The following MARVELD2 variants were observed in gnomAD, a reference collection of about 807,000 sequenced individuals.
The protein encoded by MARVELD2 is MARVEL domain-containing protein 2.
In MARVELD2, 49 loss-of-function variants were observed where a neutral mutation model predicts 57.6. The observed-to-expected ratio is 0.85, with a 90% CI of 0.68 to 1.08. The LOEUF (loss-of-function observed/expected upper bound fraction) is 1.08, where lower values mean the gene tolerates loss of function less well. Ranked by LOEUF, MARVELD2 falls within the 50% of genes least tolerant of loss-of-function variation. The pLI is 0.00. For synonymous variants in MARVELD2, 238 were observed against 258.8 expected, an observed-to-expected ratio of 0.92 and a Z score of 0.77; for missense variants, 606 against 701.1, an observed-to-expected ratio of 0.86 and a Z score of 1.53.
chr5:69,434,582 A>T (rs1356869781), intron 5 of MARVELD2, among the ~76,000 whole-genome samples: 1 of 152,176 alleles, frequency 6.6e-6, no homozygotes. Flanking sequence ...TATGGTAGTT[A>T]CAGAGGCTTA....
rs770051043 is a variant in MARVELD2, at chr5:69,440,482, G to C, written c.1536G>C (p.Glu512Asp). The part of the protein sequence containing the change: ...EHERISRIHE[E>D]FKKKKNDPTF... ...AGAGAATTTCAAGAATCCATGAAGA[G>C]TTTAAGAAAAAAAAGAATGTGAGTA... Residue 512 changes from glutamate to aspartate, a missense_variant, in exon 6 of 7, where the codon GAG becomes GAC. Physicochemically the swap from Glu to Asp is conservative, Grantham distance 45. Coordinates refer to ENST00000325631, the MANE Select transcript of MARVELD2 (RefSeq NM_001038603.3). The C allele has an allele frequency of 7.0e-7, 1 of 1,434,468 alleles. No individual in the cohort carries two copies. The highest frequency in any genetic ancestry group is 1.7e-5 in the Admixed American group (1 of 58,942). The allele number at this position is 1,434,468 out of a possible 1,614,324, so 88.9% of individuals were successfully genotyped here.
At chr5:69,431,529 A>G (rs1012785923) in intron 3 of MARVELD2, among the ~76,000 whole-genome samples, 1 of 152,092 alleles carries the variant, frequency 6.6e-6, no homozygotes, top group Non-Finnish European at 1.5e-5. Context: ...TTATCCTTGA[A>G]TTTATTTTGA....
At chr5:69,441,442 GTA>G (rs1561305309) in intron 6 of MARVELD2, 88 bp from the exon 7 acceptor site, 29 of 1,476,086 alleles carry the variant, frequency 2.0e-5, no homozygotes, top group Non-Finnish European at 2.7e-5. Flanking sequence ...CTTTTGCTAT[GTA>G]TGATCATTTC....
chr5:69,425,964 G>A (rs934783622), intron 3 of MARVELD2, among the ~76,000 whole-genome samples: 5 of 151,732 alleles, frequency 3.3e-5, no homozygotes, highest in East Asian at 1.9e-4. Flanking sequence ...GGATGTTCTC[G>A]ATCTCCTGAC....
At chr5:69,440,780 T>A (rs1429498100) in intron 6 of MARVELD2, among the ~76,000 whole-genome samples, 4 of 152,220 alleles carry the variant, frequency 2.6e-5, no homozygotes, top group Non-Finnish European at 5.9e-5. Flanking sequence ...CAACTCTAAC[T>A]TAATCTCAAA....
chr5:69,415,934 T>G (rs1335905067), intron 1 of MARVELD2, among the ~76,000 whole-genome samples: 2 of 152,214 alleles, frequency 1.3e-5, no homozygotes, highest in Admixed American at 6.5e-5. Context: ...TGAAAGACAT[T>G]AGGGGTATCC....
Position 69,433,193 on chromosome 5 carries a change from T to G in MARVELD2, c.1503+100T>G, listed in dbSNP as rs1767023982. On this transcript the variant is annotated intron_variant, in intron 5 of 6. Coordinates refer to ENST00000325631, the MANE Select transcript of MARVELD2 (RefSeq NM_001038603.3). Reference sequence around the variant, plus strand: ...TTTTTTTTTTCTGTGAGACAGAGTCTTGTTCTGTTGCCAGGCTGGAGTGCA... The same window carrying G: ...TTTTTTTTTTCTGTGAGACAGAGTCGTGTTCTGTTGCCAGGCTGGAGTGCA... 3 of 1,229,286 alleles carry G rather than the reference T, an allele frequency of 2.4e-6. No homozygotes were observed. The African/African-American group carries it at 4.6e-5, about 19-fold the overall frequency. The allele number at this position is 1,229,286 out of a possible 1,614,324, so 76.1% of individuals were successfully genotyped here. A position where few individuals can be genotyped will look rare whatever the true frequency, so the allele number is the denominator to read the frequency against.
chr5:69,426,053 T>C (rs372121794), intron 3 of MARVELD2, among the ~76,000 whole-genome samples: 1 of 151,858 alleles, frequency 6.6e-6, no homozygotes, highest in African/African-American at 2.4e-5. Flanking sequence ...ATAATACTTT[T>C]TTTTAAAGAT....
intron 5 of MARVELD2, among the ~76,000 whole-genome samples, chr5:69,436,100 A>C (rs1252357207): frequency 6.6e-6 from 1 of 152,178 alleles, no homozygotes; most frequent in Non-Finnish European, 1.5e-5. Context: ...GCTGTTACGA[A>C]TAATGCTGGT....
chr5:69,424,827 C>A (rs1766735117), intron 3 of MARVELD2, among the ~76,000 whole-genome samples, 191 bp downstream of exon 3: 1 of 151,974 alleles, frequency 6.6e-6, no homozygotes, highest in Non-Finnish European at 1.5e-5. Context: ...AATTTCAAGA[C>A]CAGCCTGGCC....
chr5:69,440,528 T>C (rs749152892), intron 6 of MARVELD2, 28 bp downstream of exon 6: 1 of 1,242,142 alleles, frequency 8.1e-7, no homozygotes, highest in Admixed American at 1.7e-5. Context: ...CTTCAAACTG[T>C]ATTCTTATCC....
At chr5:69,430,841 G>C (rs571023565) in intron 3 of MARVELD2, among the ~76,000 whole-genome samples, 2 of 151,660 alleles carry the variant, frequency 1.3e-5, no homozygotes, top group South Asian at 4.2e-4. Context: ...GCCCAGTTCT[G>C]GGTTTTAATT....
At chr5:69,438,153 A>G (rs1056731828) in intron 5 of MARVELD2, among the ~76,000 whole-genome samples, 1 of 152,146 alleles carries the variant, frequency 6.6e-6, no homozygotes, top group Non-Finnish European at 1.5e-5. Flanking sequence ...TCCCACAGAC[A>G]TGGTTGTGCA....
chr5:69,427,779 G>A (rs950233674), intron 3 of MARVELD2, among the ~76,000 whole-genome samples: 2 of 152,144 alleles, frequency 1.3e-5, no homozygotes, highest in East Asian at 1.9e-4. Context: ...AAAGCCTGAC[G>A]AAGATTTAAT....
intron 3 of MARVELD2, among the ~76,000 whole-genome samples, chr5:69,428,792 A>G (rs140910673): frequency 6.6e-6 from 1 of 152,334 alleles, no homozygotes; most frequent in Non-Finnish European, 1.5e-5. Flanking sequence ...CAGCTTCCTC[A>G]GCACCATGAG....
chr5:69,441,775 C>T lies in MARVELD2; in HGVS notation c.*121C>T, dbSNP rs886060735. The T allele has an allele frequency of 2.1e-5, 14 of 670,162 alleles. No individual in the cohort carries two copies. The highest frequency in any genetic ancestry group is 1.3e-4 in the Admixed American group (5 of 38,696). 41.5% of individuals were successfully genotyped at this position (670,162 alleles called of 1,614,324 possible). A position where few individuals can be genotyped will look rare whatever the true frequency, so the allele number is the denominator to read the frequency against. ...TCGGCTCACTGCAACCTCCACCTCC[C>T]GGGTTCAAGCAATTCTCCTGTTCAA... On this transcript the variant is annotated 3_prime_UTR_variant, in exon 7 of 7. Transcript: ENST00000325631.
chr5:69,428,133 A>G (rs1472097900), intron 3 of MARVELD2, among the ~76,000 whole-genome samples: 3 of 151,988 alleles, frequency 2.0e-5, no homozygotes, highest in Non-Finnish European at 4.4e-5. Context: ...GTTTTTTCCC[A>G]ATAGAGTTTT....
chr5:69,424,722 C>T lies in MARVELD2; in HGVS notation c.1182+86C>T, dbSNP rs1349825591. ...TGTTTATCTACATAGTAGTATCGTACATCTGTGAAATGTAGCTATTGGCCA... is the reference window on the plus strand; with the variant it reads ...TGTTTATCTACATAGTAGTATCGTATATCTGTGAAATGTAGCTATTGGCCA... On this transcript the variant is annotated intron_variant, in intron 3 of 6. Transcript: ENST00000325631. 20 of 1,093,652 alleles carry T rather than the reference C, an allele frequency of 1.8e-5. No homozygotes were observed. In the Admixed American group the frequency reaches 2.6e-4, roughly 14 times the overall value. The allele number at this position is 1,093,652 out of a possible 1,614,324, so 67.7% of individuals were successfully genotyped here.
rs1767383690 is a variant in MARVELD2 at position 69,443,437 on chromosome 5, T to A, written c.*1783T>A. ...TTGGTCTCAAGCTCCTGACCTCAGA[T>A]GATCTACCAGCCTCGGCCTTCTGAA... On this transcript the variant is annotated 3_prime_UTR_variant, in exon 7 of 7. Coordinates refer to ENST00000325631, the MANE Select transcript of MARVELD2 (RefSeq NM_001038603.3). 6.6e-6 allele frequency: 1 copy of A among 152,174 alleles called. No homozygotes were observed. Among genetic ancestry groups the A allele is most frequent in the South Asian group, 2.1e-4 (1 of 4,830 alleles). The allele number at this position is 152,174 out of a possible 1,614,324, so 9.4% of individuals were successfully genotyped here.
Sources: allele counts gnomAD v4.1 joint callset (sites outside exome capture counted in the v4.1 genomes callset), GRCh38; gene constraint gnomAD v4.1.1; transcripts MANE v1.5; gene names NCBI Gene and HGNC (gene_info 2026-07-23, HGNC 2026-07-21).